Variants in CLASP1 observed in about 807,000 individuals in gnomAD.
The protein encoded by CLASP1 is cytoplasmic linker associated protein 1.
Under a neutral mutation model 192.3 loss-of-function variants are expected in CLASP1, and 38 were observed. The observed-to-expected ratio is 0.20, with a 90% CI of 0.15 to 0.26. CLASP1 has a LOEUF of 0.26. CLASP1 is among the 10% of genes least tolerant of loss of function. The pLI is 1.00. For missense variants in CLASP1, 1,433 were observed against 1,932.5 expected (o/e 0.74, Z 4.85); for synonymous variants, 691 against 712.8 (o/e 0.97, Z 0.49).
chr2:121,629,345 G>A (rs1440343395), intron 1 of CLASP1, among the ~76,000 whole-genome samples: 1 of 150,510 alleles, frequency 6.6e-6, no homozygotes, highest in Admixed American at 6.6e-5. Flanking sequence ...ATCTGAGATC[G>A]CACCACTGCA....
At chr2:121,594,162 T>TGGTG (rs2062812917) in intron 2 of CLASP1, among the ~76,000 whole-genome samples, 1 of 146,918 alleles carries the variant, frequency 6.8e-6, no homozygotes, top group African/African-American at 2.5e-5. Flanking sequence ...TAGCCGGGCG[T>TGGTG]GGTGGCGGGC....
chr2:121,478,857 A>C (rs1575278375), intron 8 of CLASP1, among the ~76,000 whole-genome samples: 1 of 75,330 alleles, frequency 1.3e-5, no homozygotes, highest in African/African-American at 8.9e-5. Flanking sequence ...ACCACACACC[A>C]CACCACACAC....
At chr2:121,399,287 C>T (rs1317732184) in intron 28 of CLASP1, among the ~76,000 whole-genome samples, 3 of 152,160 alleles carry the variant, frequency 2.0e-5, no homozygotes, top group Non-Finnish European at 4.4e-5. Flanking sequence ...CATATAATTA[C>T]TAATAAAAAG....
intron 39 of CLASP1, among the ~76,000 whole-genome samples, chr2:121,345,655 AAGG>A (rs2063355898): frequency 6.6e-6 from 1 of 152,296 alleles, no homozygotes; most frequent in South Asian, 2.1e-4. Flanking sequence ...GCAGTAGGGC[AAGG>A]AGAAGGAACT....
chr2:121,370,456 G>A (rs2068402159), intron 34 of CLASP1, among the ~76,000 whole-genome samples: 1 of 152,174 alleles, frequency 6.6e-6, no homozygotes. Flanking sequence ...CTCCCAAGGA[G>A]CTGGGATTAC....
At chr2:121,388,697 C>T (rs540929874) in intron 30 of CLASP1, among the ~76,000 whole-genome samples, 5 of 152,192 alleles carry the variant, frequency 3.3e-5, no homozygotes, top group African/African-American at 1.2e-4. Context: ...GAATTAATTA[C>T]AATAGTTTTC....
intron 2 of CLASP1, among the ~76,000 whole-genome samples, chr2:121,582,680 T>A (rs2061333203): frequency 6.6e-6 from 1 of 151,846 alleles, no homozygotes; most frequent in African/African-American, 2.4e-5. Flanking sequence ...CTTCCTAAAC[T>A]GGCTCTAAGG....
exon 19 of CLASP1, chr2:121,447,454 G>C: frequency 6.4e-7 from 1 of 1,557,600 alleles, no homozygotes; most frequent in Non-Finnish European, 8.7e-7. Context: ...ATATCACTTC[G>C]AGATCGCTGG....
At chr2:121,352,565 G>C (rs914479318) in intron 37 of CLASP1, among the ~76,000 whole-genome samples, 5 of 152,208 alleles carry the variant, frequency 3.3e-5, no homozygotes, top group Non-Finnish European at 5.9e-5. Context: ...TCTGAGAGAA[G>C]CACAGGAGAC....
intron 13 of CLASP1, among the ~76,000 whole-genome samples, chr2:121,458,611 T>C (rs908943984): frequency 6.6e-6 from 1 of 152,140 alleles, no homozygotes; most frequent in Non-Finnish European, 1.5e-5. Flanking sequence ...TAACAATCAA[T>C]ACCTCATTAA....
intron 1 of CLASP1, among the ~76,000 whole-genome samples, chr2:121,616,988 A>G (rs287789): frequency 0.3 from 45,612 of 151,972 alleles, 11,007 homozygotes; most frequent in African/African-American, 0.67. Context: ...GTTTGCAGAA[A>G]ATGCTGTAGG....
intron 8 of CLASP1, among the ~76,000 whole-genome samples, chr2:121,477,883 G>A (rs2091836362): frequency 6.6e-6 from 1 of 152,172 alleles, no homozygotes; most frequent in Non-Finnish European, 1.5e-5. Context: ...TCCTGACAAC[G>A]CTGAGAGAAG....
exon 8 of CLASP1, chr2:121,503,234 C>T (rs771199331): frequency 1.3e-6 from 2 of 1,511,178 alleles, no homozygotes; most frequent in African/African-American, 1.4e-5. Context: ...TTACATTCAA[C>T]CTGTATGAAA....
chr2:121,465,016 A>G (rs1048764314), intron 9 of CLASP1, among the ~76,000 whole-genome samples: 37 of 152,180 alleles, frequency 2.4e-4, no homozygotes, highest in African/African-American at 8.4e-4. Context: ...GATGGGACGT[A>G]TCTCAAAATC....
intron 2 of CLASP1, among the ~76,000 whole-genome samples, chr2:121,573,379 C>T (rs58669814): frequency 0.014 from 2,127 of 152,292 alleles, 43 homozygotes; most frequent in African/African-American, 0.047. Flanking sequence ...GTCTTTAGCA[C>T]GCCAAGAATG....
chr2:121,339,619 G>A (rs2062618950), exon 40 of CLASP1: 2 of 152,294 alleles, frequency 1.3e-5, no homozygotes, highest in South Asian at 4.1e-4. Context: ...GGGCCTAGTG[G>A]TTCGCTGAGG....
At position 121,370,274 on chromosome 2, in the gene CLASP1, T is replaced by A. The variant is rs150842432; in HGVS notation, c.3643-2443A>T. Among the ~76,000 whole-genome samples, 122 of 152,352 alleles carry A rather than the reference T, an allele frequency of 8.0e-4. 1 individual carries two copies. Among genetic ancestry groups the A allele is most frequent in the African/African-American group, 2.8e-3 (116 of 41,584 alleles). On this transcript the variant is annotated intron_variant, in intron 34 of 39. Transcript: ENST00000263710. ...CACCTCAATGTTTTAACTAAACATA[T>A]GGTAAGTGGTGGCTAAGATGGTGAA...
rs773529556 is a variant in CLASP1 at position 121,530,983 on chromosome 2, T to G, written c.196-658A>C. The stretch of plus-strand genomic sequence containing the variant: ...ACCCGCATCAACTAGAGCTTTTGCT[T>G]TATTTTGGTGCAATTTTTGGAAAAA... On this transcript the variant is annotated intron_variant, in intron 2 of 39. Coordinates refer to ENST00000263710, the Ensembl canonical transcript of CLASP1. 58 of 700,256 alleles carry G rather than the reference T, an allele frequency of 8.3e-5. No homozygotes were observed. The highest frequency in any genetic ancestry group is 1.3e-4 in the Non-Finnish European group (50 of 384,788). 43.4% of individuals were successfully genotyped at this position (700,256 alleles called of 1,614,324 possible).
intron 22 of CLASP1, among the ~76,000 whole-genome samples, chr2:121,422,615 A>G (rs1196859079): frequency 6.6e-6 from 1 of 152,210 alleles, no homozygotes; most frequent in African/African-American, 2.4e-5. Context: ...GAGGGAACAA[A>G]TCACCAAGAA....
Sources: gnomAD v4.1 joint callset for allele counts (sites outside exome capture counted in the v4.1 genomes callset) on GRCh38, gnomAD v4.1.1 for gene constraint, MANE v1.5 for transcripts, NCBI Gene and HGNC (gene_info 2026-07-23, HGNC 2026-07-21) for gene names.